The following STXBP6 variants were observed in gnomAD, a reference collection of about 807,000 sequenced individuals.
STXBP6 encodes the protein syntaxin-binding protein 6.
A neutral mutation model predicts 26.9 loss-of-function variants in STXBP6; 21 were observed. The observed-to-expected ratio is 0.78, with a 90% CI of 0.55 to 1.12. The LOEUF is 1.12. Ranked by LOEUF, STXBP6 falls within the 50% of genes most tolerant of loss-of-function variation. STXBP6 has a pLI of 0.00. For missense variants in STXBP6, 232 were observed against 257.9 expected (o/e 0.90, Z 0.69); for synonymous variants, 97 against 92.6 (o/e 1.05, Z -0.27).
intron 1 of STXBP6, among the ~76,000 whole-genome samples, chr14:25,000,980 C>G (rs570365868): frequency 4.9e-4 from 74 of 152,072 alleles, no homozygotes; most frequent in Non-Finnish European, 9.6e-4. Context: ...CCTGCTTGTT[C>G]ACGATAAATA....
chr14:24,872,485 G>A (rs1215538964), intron 2 of STXBP6, among the ~76,000 whole-genome samples: 1 of 152,114 alleles, frequency 6.6e-6, no homozygotes, highest in Non-Finnish European at 1.5e-5. Context: ...AGACACATAG[G>A]CCATCACAAA....
At chr14:24,998,785 G>A (rs1350780195) in intron 1 of STXBP6, among the ~76,000 whole-genome samples, 1 of 151,886 alleles carries the variant, frequency 6.6e-6, no homozygotes, top group Admixed American at 6.6e-5. Flanking sequence ...AAACTATTTG[G>A]GTAATATTAT....
intron 4 of STXBP6, among the ~76,000 whole-genome samples, chr14:24,844,599 A>C (rs1312367795): frequency 6.6e-6 from 1 of 152,224 alleles, no homozygotes; most frequent in Non-Finnish European, 1.5e-5. Context: ...TGGAAAACCC[A>C]CATAGCTGGT....
intron 1 of STXBP6, among the ~76,000 whole-genome samples, chr14:25,030,594 AAC>A (rs1399557270): frequency 4.6e-5 from 7 of 152,152 alleles, no homozygotes; most frequent in African/African-American, 1.4e-4. Flanking sequence ...ACTGATTTTA[AAC>A]AGACAGATTT....
At chr14:24,901,205 T>C (rs111552175) in intron 2 of STXBP6, among the ~76,000 whole-genome samples, 197 of 152,226 alleles carry the variant, frequency 1.3e-3, no homozygotes, top group African/African-American at 4.3e-3. Flanking sequence ...GTAGAAGTTA[T>C]ATTATTAACA....
chr14:24,830,768 G>A (rs541197964), intron 4 of STXBP6, among the ~76,000 whole-genome samples: 2 of 152,152 alleles, frequency 1.3e-5, no homozygotes, highest in East Asian at 1.9e-4. Flanking sequence ...TCTGTAGGGA[G>A]CAACACGAAA....
intron 4 of STXBP6, among the ~76,000 whole-genome samples, chr14:24,852,424 CT>C (rs1301860666): frequency 8.5e-5 from 13 of 152,112 alleles, no homozygotes; most frequent in Non-Finnish European, 1.8e-4. Flanking sequence ...CTTGGGTGGG[CT>C]TGTCCTCAAC....
intron 4 of STXBP6, among the ~76,000 whole-genome samples, chr14:24,851,483 C>T (rs565412018): frequency 1.9e-4 from 28 of 150,204 alleles, no homozygotes; most frequent in African/African-American, 3.7e-4. Flanking sequence ...TGAGAACATG[C>T]GGTGTTTGGT....
intron 2 of STXBP6, among the ~76,000 whole-genome samples, chr14:24,893,934 T>A (rs2070881531): frequency 6.6e-6 from 1 of 152,104 alleles, no homozygotes; most frequent in East Asian, 1.9e-4. Flanking sequence ...AAAATGATAA[T>A]TAAATATAAA....
At chr14:24,847,499 A>G (rs1405970864) in intron 4 of STXBP6, among the ~76,000 whole-genome samples, 1 of 152,150 alleles carries the variant, frequency 6.6e-6, no homozygotes, top group East Asian at 1.9e-4. Context: ...TCCTTCGAAA[A>G]TGGTTGGCAA....
intron 1 of STXBP6, among the ~76,000 whole-genome samples, chr14:25,026,457 C>G (rs938805065): frequency 6.6e-6 from 1 of 152,190 alleles, no homozygotes; most frequent in Non-Finnish European, 1.5e-5. Flanking sequence ...CAAGTAGGAT[C>G]TAGGTCAGCA....
At chr14:24,825,617 G>A (rs1012684415) in intron 4 of STXBP6, among the ~76,000 whole-genome samples, 2 of 152,168 alleles carry the variant, frequency 1.3e-5, no homozygotes, top group Non-Finnish European at 2.9e-5. Flanking sequence ...TGAAGGTAAT[G>A]CAGTGGAACA....
chr14:24,980,061 A>G (rs2074146592), intron 1 of STXBP6, among the ~76,000 whole-genome samples: 1 of 152,222 alleles, frequency 6.6e-6, no homozygotes, highest in Non-Finnish European at 1.5e-5. Context: ...GAAATGTTAA[A>G]TTACTTCCCT....
At chr14:24,893,270 C>T (rs948979429) in intron 2 of STXBP6, among the ~76,000 whole-genome samples, 3 of 152,180 alleles carry the variant, frequency 2.0e-5, no homozygotes, top group Admixed American at 1.3e-4. Context: ...TTATCATGTG[C>T]CAGGACCTAT....
chr14:24,917,970 G>GA (rs1380123037), intron 2 of STXBP6, among the ~76,000 whole-genome samples: 3 of 151,976 alleles, frequency 2.0e-5, no homozygotes, highest in Non-Finnish European at 4.4e-5. Context: ...GTCTGCCTTT[G>GA]TTTTTTTATA....
At chr14:24,912,254 CTTCCT>C (rs1230284193) in intron 2 of STXBP6, among the ~76,000 whole-genome samples, 1 of 152,142 alleles carries the variant, frequency 6.6e-6, no homozygotes, top group African/African-American at 2.4e-5. Flanking sequence ...AAAGCAGCCT[CTTCCT>C]TTCAATTTTA....
chr14:24,981,484 G>A (rs2074190328), intron 1 of STXBP6, among the ~76,000 whole-genome samples: 1 of 152,104 alleles, frequency 6.6e-6, no homozygotes, highest in South Asian at 2.1e-4. Context: ...TGGCCAGGCT[G>A]GTTTCCAACT....
intron 2 of STXBP6, among the ~76,000 whole-genome samples, chr14:24,872,112 A>G (rs531965032): frequency 6.6e-6 from 1 of 152,352 alleles, no homozygotes; most frequent in African/African-American, 2.4e-5. Context: ...AAACTATGCC[A>G]AAATTCCCAC....
At chr14:24,881,062 C>T (rs979734510) in intron 2 of STXBP6, among the ~76,000 whole-genome samples, 5 of 152,172 alleles carry the variant, frequency 3.3e-5, no homozygotes, top group Non-Finnish European at 7.3e-5. Context: ...TCCCCATACA[C>T]CTTACTTTGC....
Sources: allele counts gnomAD v4.1 joint callset (sites outside exome capture counted in the v4.1 genomes callset), GRCh38; gene constraint gnomAD v4.1.1; transcripts MANE v1.5; gene names NCBI Gene and HGNC (gene_info 2026-07-23, HGNC 2026-07-21).